Variants in SMS observed in about 807,000 individuals in gnomAD.
SMS encodes the protein spermidine aminopropyltransferase.
Under a neutral mutation model 33.0 loss-of-function variants are expected in SMS, and 3 were observed. That is an observed-to-expected ratio of 0.09 (90% CI 0.04 to 0.23). SMS has a LOEUF of 0.23. Ranked by LOEUF, SMS falls within the 10% of genes least tolerant of loss-of-function variation. The pLI is 1.00. For missense variants in SMS, 117 were observed against 288.6 expected, an observed-to-expected ratio of 0.41 and a Z score of 4.31; for synonymous variants, 103 against 112.2, an observed-to-expected ratio of 0.92 and a Z score of 0.52.
chrX:21,992,832 C>A (rs892839426), intron 10 of SMS, 120 bp downstream of exon 10: 2 of 432,782 alleles, frequency 4.6e-6, no homozygotes, highest in East Asian at 7.6e-5. Context: ...ATATAAAGCC[C>A]TGGTTCTCCA....
intron 9 of SMS, among the ~76,000 whole-genome samples, chrX:21,985,573 G>A (rs1925268571): frequency 9.0e-6 from 1 of 111,219 alleles, no homozygotes; most frequent in Non-Finnish European, 1.9e-5. Context: ...ATTCTCTAGG[G>A]GATTCTAAAC....
At chrX:21,971,836 CTCTT>C (rs1361022947) in intron 2 of SMS, 57 bp from the exon 3 acceptor site, 10 of 765,443 alleles carry the variant, frequency 1.3e-5, no homozygotes, top group Admixed American at 2.3e-5. Context: ...CTCTCTCTCT[CTCTT>C]TTTTTTTTAA....
intron 9 of SMS, among the ~76,000 whole-genome samples, chrX:21,990,979 G>A (rs1013575197): frequency 8.9e-6 from 1 of 112,186 alleles, no homozygotes; most frequent in Non-Finnish European, 1.9e-5. Context: ...GACACTGAAG[G>A]ATGACGTCAC....
At chrX:21,978,202 C>T in intron 6 of SMS, 88 bp downstream of exon 6, 1 of 922,830 alleles carries the variant, frequency 1.1e-6, no homozygotes. Context: ...AATGTTACCA[C>T]AGACTAGAGG....
chrX:21,961,718 G>T (rs962434724), intron 1 of SMS, among the ~76,000 whole-genome samples: 1 of 111,771 alleles, frequency 8.9e-6, no homozygotes, highest in African/African-American at 3.3e-5. Context: ...AGTAGGCAGT[G>T]GGCTGGAAAT....
rs944930811 is a variant in SMS at position 21,965,644 on chromosome X, A to G, written c.50-1552A>G. ...GCGCCTGTAGTCCTAGCTACTCGGG[A>G]GGCTGAGGCAGGAGAATGGTGTGAA... On this transcript the variant is annotated intron_variant, in intron 1 of 10. Transcript: ENST00000404933. Among the ~76,000 whole-genome samples the G allele has an allele frequency of 5.8e-5, 6 of 103,571 alleles. 1 individual carries two copies. Among genetic ancestry groups the G allele is most frequent in the Non-Finnish European group, 9.7e-5 (5 of 51,364 alleles). 89.9% of individuals were successfully genotyped at this position (103,571 alleles called of 115,157 possible). A position where few individuals can be genotyped will look rare whatever the true frequency, so the allele number is the denominator to read the frequency against.
intron 1 of SMS, among the ~76,000 whole-genome samples, chrX:21,948,766 GTTC>G (rs1298373525): frequency 1.1e-4 from 12 of 111,640 alleles, no homozygotes; most frequent in Non-Finnish European, 2.3e-4. Flanking sequence ...CGTCAATAAA[GTTC>G]TTAGTTTAGT....
intron 1 of SMS, among the ~76,000 whole-genome samples, chrX:21,961,151 A>G (rs1923321977): frequency 9.6e-6 from 1 of 103,779 alleles, no homozygotes; most frequent in Admixed American, 1.1e-4. Context: ...GGGGCTGCAT[A>G]CCATGTGGAT....
chrX:21,945,659 C>G (rs372508475), intron 1 of SMS, among the ~76,000 whole-genome samples: 1 of 85,172 alleles, frequency 1.2e-5, no homozygotes, highest in East Asian at 4.8e-4. Context: ...CCTACAGTCT[C>G]GCTCTGTCGC....
intron 1 of SMS, among the ~76,000 whole-genome samples, chrX:21,949,906 T>G (rs941921162): frequency 2.7e-5 from 3 of 110,145 alleles, no homozygotes; most frequent in African/African-American, 6.6e-5. Context: ...ATTTCCAGAT[T>G]AGGGACTTTG....
chrX:21,990,504 TAAAAAG>T (rs1925685474), intron 9 of SMS, among the ~76,000 whole-genome samples: 1 of 112,479 alleles, frequency 8.9e-6, no homozygotes, highest in Non-Finnish European at 1.9e-5. Flanking sequence ...TTGTTTCTCT[TAAAAAG>T]AAAAAATGTC....
chrX:21,990,007 G>A (rs1925651934), intron 9 of SMS, among the ~76,000 whole-genome samples: 1 of 111,839 alleles, frequency 8.9e-6, no homozygotes, highest in Non-Finnish European at 1.9e-5. Context: ...CCTCCAAAGT[G>A]TTAGCATTAT....
At chrX:21,984,496 T>C (rs1226259844) in intron 8 of SMS, 78 bp downstream of exon 8, 3 of 666,118 alleles carry the variant, frequency 4.5e-6, no homozygotes, top group Non-Finnish European at 7.4e-6. Flanking sequence ...ATCCTAGAGA[T>C]TGTGTAGTTC....
intron 2 of SMS, among the ~76,000 whole-genome samples, chrX:21,970,824 C>G: frequency 9.7e-6 from 1 of 103,123 alleles, no homozygotes; most frequent in Non-Finnish European, 2.0e-5. Context: ...TAGTATTTTT[C>G]AAACATTTCT....
At chrX:21,991,218 C>T (rs1343241023) in intron 9 of SMS, among the ~76,000 whole-genome samples, 2 of 111,515 alleles carry the variant, frequency 1.8e-5, no homozygotes, top group Non-Finnish European at 3.8e-5. Context: ...GCTCTTGTTG[C>T]CCCGGCTGGA....
chrX:21,972,580 A>T lies in SMS; in HGVS notation c.329+9A>T, dbSNP rs756990950. The T allele has an allele frequency of 1.8e-6, 2 of 1,118,980 alleles. No individual in the cohort carries two copies. The highest frequency in any genetic ancestry group is 3.7e-5 in the South Asian group (2 of 54,788). The allele number at this position is 1,118,980 out of a possible 1,213,427, so 92.2% of individuals were successfully genotyped here. A position where few individuals can be genotyped will look rare whatever the true frequency, so the allele number is the denominator to read the frequency against. ...ACTGGGCGGGTGAAACGGTAAGTCCACTCTTGAATGTCCTTTTATATTTAA... is the reference window on the plus strand; with the variant it reads ...ACTGGGCGGGTGAAACGGTAAGTCCTCTCTTGAATGTCCTTTTATATTTAA... On this transcript the variant is annotated intron_variant, in intron 4 of 10. Coordinates refer to ENST00000404933, the MANE Select transcript of SMS (RefSeq NM_004595.5).
At chrX:21,958,617 C>A (rs1569344176) in intron 1 of SMS, among the ~76,000 whole-genome samples, 1 of 112,620 alleles carries the variant, frequency 8.9e-6, no homozygotes, top group Non-Finnish European at 1.9e-5. Flanking sequence ...TTATTCCTCC[C>A]CGCATTCTTC....
Position 21,972,724 on chromosome X carries a change from T to C in SMS, c.329+153T>C, listed in dbSNP as rs59033470. On this transcript the variant is annotated intron_variant, in intron 4 of 10. Transcript: ENST00000404933. Reference sequence around the variant, plus strand: ...AGGAGTTTGAGACCAGCCTGGCCAATGTGGCAAAACACCGTCTCTACTAAA... The same window carrying C: ...AGGAGTTTGAGACCAGCCTGGCCAACGTGGCAAAACACCGTCTCTACTAAA... Among the ~76,000 whole-genome samples, 29,761 of 108,309 alleles carry C rather than the reference T, an allele frequency of 0.27. 3,420 individuals carry two copies. The highest frequency in any genetic ancestry group is 0.42 in the African/African-American group (12,317 of 29,583). The allele number at this position is 108,309 out of a possible 115,157, so 94.1% of individuals were successfully genotyped here.
chrX:21,992,727 T>C lies in SMS; in HGVS notation c.1061+15T>C. The C allele has an allele frequency of 9.9e-7, 1 of 1,008,619 alleles. No individual in the cohort carries two copies. The highest frequency in any genetic ancestry group is 1.4e-6 in the Non-Finnish European group (1 of 712,813). The allele number at this position is 1,008,619 out of a possible 1,213,427, so 83.1% of individuals were successfully genotyped here. A position where few individuals can be genotyped will look rare whatever the true frequency, so the allele number is the denominator to read the frequency against. ...TACTTGGAATTGTATCCTTTGACCG[T>C]GACATTCTGTTGCCAGATCAAAGCA... On this transcript the variant is annotated intron_variant, in intron 10 of 10. Coordinates refer to ENST00000404933, the MANE Select transcript of SMS (RefSeq NM_004595.5).
Sources: allele counts gnomAD v4.1 joint callset (sites outside exome capture counted in the v4.1 genomes callset), GRCh38; gene constraint gnomAD v4.1.1; transcripts MANE v1.5; gene names NCBI Gene and HGNC (gene_info 2026-07-23, HGNC 2026-07-21).